MAST2: variants seen among roughly 807,000 people sequenced by gnomAD.
MAST2 encodes the protein microtubule associated serine/threonine kinase 2, also known as microtubule-associated serine/threonine-protein kinase 2.
A neutral mutation model predicts 147.4 loss-of-function variants in MAST2; 70 were observed. That is an observed-to-expected ratio of 0.47 (90% CI 0.39 to 0.58). MAST2 has a LOEUF of 0.58. MAST2 is among the 20% of genes least tolerant of loss of function. The pLI is 0.00. For missense variants in MAST2, 2,080 were observed against 2,302.3 expected (o/e 0.90, Z 1.98); for synonymous variants, 869 against 896.8 (o/e 0.97, Z 0.55).
intron 1 of MAST2, among the ~76,000 whole-genome samples, chr1:45,819,775 A>G (rs1644564635): frequency 1.3e-5 from 2 of 152,198 alleles, no homozygotes; most frequent in Non-Finnish European, 2.9e-5. Flanking sequence ...ACCCAAAGCA[A>G]TCTACAGATT....
intron 4 of MAST2, among the ~76,000 whole-genome samples, chr1:45,921,210 G>A (rs1653415814): frequency 6.6e-6 from 1 of 152,096 alleles, no homozygotes; most frequent in African/African-American, 2.4e-5. Context: ...TGGTCAGGCT[G>A]GTCTCAAACC....
At chr1:45,824,683 T>TA in intron 2 of MAST2, 103 bp downstream of exon 2, 1 of 1,172,800 alleles carries the variant, frequency 8.5e-7, no homozygotes, top group Non-Finnish European at 1.2e-6. Flanking sequence ...TCTCTGGTAG[T>TA]AGTCTTGTAT....
chr1:45,927,115 A>G (rs2148681532), intron 4 of MAST2, among the ~76,000 whole-genome samples: 1 of 152,278 alleles, frequency 6.6e-6, no homozygotes, highest in South Asian at 2.1e-4. Context: ...GGGATTTTCA[A>G]AAGGGGAGGG....
At chr1:46,034,506 T>A (rs1005056700) in intron 28 of MAST2, 32 bp from the exon 29 acceptor site, 1 of 1,586,542 alleles carries the variant, frequency 6.3e-7, no homozygotes, top group South Asian at 1.1e-5. Flanking sequence ...TGCTCTGCTT[T>A]TGTCTGTCTG....
At chr1:45,945,880 A>G (rs1005794735) in intron 4 of MAST2, among the ~76,000 whole-genome samples, 3 of 152,282 alleles carry the variant, frequency 2.0e-5, no homozygotes, top group Admixed American at 6.5e-5. Context: ...CCCAGACACT[A>G]TGTTATCAGG....
chr1:45,844,554 G>GATT (rs1343540277), intron 3 of MAST2, among the ~76,000 whole-genome samples: 1 of 152,066 alleles, frequency 6.6e-6, no homozygotes, highest in East Asian at 1.9e-4. Context: ...AAAGTGCTGA[G>GATT]ATTATAGGTG....
At chr1:45,811,103 G>A (rs1251896404) in intron 1 of MAST2, among the ~76,000 whole-genome samples, 3 of 151,350 alleles carry the variant, frequency 2.0e-5, no homozygotes, top group Non-Finnish European at 2.9e-5. Context: ...CACCTGGCTC[G>A]GCCTCTCAAA....
intron 22 of MAST2, 89 bp downstream of exon 22, chr1:46,030,850 G>A (rs903710729): frequency 6.8e-7 from 1 of 1,481,402 alleles, no homozygotes; most frequent in African/African-American, 1.4e-5. Flanking sequence ...CCAGGGAGGA[G>A]TGCAGGTGGC....
chr1:46,010,651 T>G, intron 9 of MAST2, 79 bp from the exon 10 acceptor site: 1 of 1,281,232 alleles, frequency 7.8e-7, no homozygotes, highest in Non-Finnish European at 1.1e-6. Context: ...ATTATTTTGC[T>G]ATTTCCAGGT....
At chr1:45,874,781 A>T (rs1268465971) in intron 3 of MAST2, among the ~76,000 whole-genome samples, 3 of 152,240 alleles carry the variant, frequency 2.0e-5, no homozygotes, top group Non-Finnish European at 4.4e-5. Flanking sequence ...CAGATAATTT[A>T]GCAAATAATT....
rs991621886 is a variant in MAST2 at position 46,022,926 on chromosome 1, C to G, written c.1440C>G (p.Ser480Arg). 21 of 1,614,012 alleles carry G rather than the reference C, an allele frequency of 1.3e-5. No homozygotes were observed. The highest frequency in any genetic ancestry group is 1.8e-5 in the Non-Finnish European group (21 of 1,179,958). The change falls in exon 13 of 29, where the codon AGC becomes AGG. Residue 480 changes from serine (S) to arginine (R), a missense_variant. Transcript: ENST00000361297. Reference sequence around the variant, plus strand: ...TGTTTCCAGAAATGGCCCAGTTGAGCAGCTGTGACAGTCCTGACACTCCAG... The same window carrying G: ...TGTTTCCAGAAATGGCCCAGTTGAGGAGCTGTGACAGTCCTGACACTCCAG... Reference protein sequence around the residue: ...RDPLEEMAQLSSCDSPDTPET... With the variant: ...RDPLEEMAQLRSCDSPDTPET...
intron 3 of MAST2, among the ~76,000 whole-genome samples, chr1:45,881,059 A>T (rs980259593): frequency 2.0e-5 from 3 of 152,168 alleles, no homozygotes; most frequent in African/African-American, 7.2e-5. Flanking sequence ...TATGAGGGAT[A>T]TATTTCTTAC....
chr1:45,966,328 GTA>G (rs1347535766), intron 5 of MAST2, among the ~76,000 whole-genome samples: 1 of 151,818 alleles, frequency 6.6e-6, no homozygotes, highest in African/African-American at 2.4e-5. Context: ...AAACATCTGT[GTA>G]TAGGTTTTTG....
Position 46,008,170 on chromosome 1 carries a change from A to G in MAST2, c.903-126A>G. The stretch of plus-strand genomic sequence containing the variant: ...AATAAGAAAGGCTCTAGAACTCAGT[A>G]CCCGTTAAAGTGGGAGTATGTAGCT... On this transcript the variant is annotated intron_variant, in intron 8 of 28. Coordinates refer to ENST00000361297, the MANE Select transcript of MAST2 (RefSeq NM_015112.3). 4.5e-6 allele frequency: 3 copies of G among 660,324 alleles called. No individual in the cohort carries two copies. The South Asian group carries it at 5.3e-5, about 12-fold the overall frequency. The allele number at this position is 660,324 out of a possible 1,614,324, so 40.9% of individuals were successfully genotyped here. A position where few individuals can be genotyped will look rare whatever the true frequency, so the allele number is the denominator to read the frequency against.
Position 46,034,057 on chromosome 1 carries a change from A to G in MAST2, c.3675-16A>G, listed in dbSNP as rs773957748. The G allele has an allele frequency of 6.2e-6, 10 of 1,610,802 alleles. No homozygotes were observed. The highest frequency in any genetic ancestry group is 7.6e-6 in the Non-Finnish European group (9 of 1,178,384). On this transcript the variant is annotated splice_polypyrimidine_tract_variant and intron_variant, in intron 27 of 28. Coordinates refer to ENST00000361297, the MANE Select transcript of MAST2 (RefSeq NM_015112.3). ...GCTCACTGCACCGACTCAGCCTTTGACCCTTATCCCCGCAGCAGAAAAAGG... is the reference window on the plus strand; with the variant it reads ...GCTCACTGCACCGACTCAGCCTTTGGCCCTTATCCCCGCAGCAGAAAAAGG...
At chr1:45,870,919 C>T (rs957277413) in intron 3 of MAST2, among the ~76,000 whole-genome samples, 5 of 151,614 alleles carry the variant, frequency 3.3e-5, no homozygotes, top group Admixed American at 2.0e-4. Context: ...ACAGCAAGAC[C>T]GTGTCTCAAA....
intron 3 of MAST2, chr1:45,846,922 T>C (rs1645457034): frequency 4.4e-6 from 1 of 228,172 alleles, no homozygotes; most frequent in Non-Finnish European, 9.0e-6. Context: ...ATCTTGATGA[T>C]TATGTACCAT....
At chr1:46,016,368 T>C (rs1220272360) in intron 10 of MAST2, among the ~76,000 whole-genome samples, 1 of 151,978 alleles carries the variant, frequency 6.6e-6, no homozygotes, top group African/African-American at 2.4e-5. Flanking sequence ...GGGTATTCAA[T>C]TAGGAAAAGA....
intron 4 of MAST2, among the ~76,000 whole-genome samples, chr1:45,904,209 G>T (rs1187850500): frequency 1.1e-4 from 16 of 144,416 alleles, no homozygotes; most frequent in Non-Finnish European, 2.3e-4. Flanking sequence ...GCTTACTCTT[G>T]TCCCCCAGGC....
Sources: gnomAD v4.1 joint callset for allele counts (sites outside exome capture counted in the v4.1 genomes callset) on GRCh38, gnomAD v4.1.1 for gene constraint, MANE v1.5 for transcripts, NCBI Gene and HGNC (gene_info 2026-07-23, HGNC 2026-07-21) for gene names.